Variants in JAK1 observed in about 807,000 individuals in gnomAD.
The protein encoded by JAK1 is Janus kinase 1.
In JAK1, 16 loss-of-function variants were observed where a neutral mutation model predicts 136.6. The observed-to-expected ratio is 0.12, with a 90% CI of 0.08 to 0.18. The LOEUF is 0.18. Ranked by LOEUF, JAK1 falls within the 10% of genes least tolerant of loss-of-function variation. JAK1 has a pLI of 1.00. For synonymous variants in JAK1, 492 were observed against 519.5 expected (o/e 0.95, Z 0.72); for missense variants, 859 against 1,450.1 (o/e 0.59, Z 6.62).
intron 1 of JAK1, among the ~76,000 whole-genome samples, chr1:64,945,606 T>A (rs78969683): frequency 6.6e-6 from 1 of 152,030 alleles, no homozygotes; most frequent in Non-Finnish European, 1.5e-5. Flanking sequence ...AATACGAATA[T>A]ATACTTACAT....
chr1:65,062,638 C>G (rs1475366567), intron 1 of JAK1, among the ~76,000 whole-genome samples: 1 of 152,234 alleles, frequency 6.6e-6, no homozygotes, highest in African/African-American at 2.4e-5. Flanking sequence ...TTTCTACTAA[C>G]TAGTAACACA....
chr1:65,066,786 A>C (rs1648067157), intron 1 of JAK1: 2 of 150,290 alleles, frequency 1.3e-5, no homozygotes, highest in Non-Finnish European at 1.5e-5. Flanking sequence ...CTCCTCTTAG[A>C]CTCCTCCCGC....
rs1363668573 is a variant in JAK1 at position 64,834,320 on chromosome 1, C to G, written c.*242G>C. 1 of 348,182 alleles carries G rather than the reference C, an allele frequency of 2.9e-6. No homozygotes were observed. Among genetic ancestry groups the G allele is most frequent in the African/African-American group, 2.0e-5 (1 of 48,912 alleles). 21.6% of individuals were successfully genotyped at this position (348,182 alleles called of 1,614,324 possible). On this transcript the variant is annotated 3_prime_UTR_variant, in exon 25 of 25. Transcript: ENST00000342505. Reference sequence around the variant, plus strand: ...ACAAGGAGGAGTGCTTAAGTGCTTTCAAATATTTTGGTTGTCATTATGTGT... The same window carrying G: ...ACAAGGAGGAGTGCTTAAGTGCTTTGAAATATTTTGGTTGTCATTATGTGT...
At chr1:65,067,107 C>T (rs1222283323) in intron 1 of JAK1, among the ~76,000 whole-genome samples, 1 of 151,936 alleles carries the variant, frequency 6.6e-6, no homozygotes, top group Non-Finnish European at 1.5e-5. Context: ...AGTCCGGCAA[C>T]ACCCTCGCAG....
intron 2 of JAK1, among the ~76,000 whole-genome samples, chr1:65,033,167 G>A (rs796252182): frequency 1.3e-5 from 2 of 152,102 alleles, no homozygotes; most frequent in African/African-American, 4.8e-5. Context: ...AGCAAAAAGA[G>A]GCTATGTTCC....
intron 2 of JAK1, among the ~76,000 whole-genome samples, chr1:64,977,326 A>G (rs557058598): frequency 6.6e-6 from 1 of 151,776 alleles, no homozygotes; most frequent in African/African-American, 2.4e-5. Context: ...ATTTTGTTTC[A>G]TTTTTTGTAG....
At chr1:64,971,217 T>G (rs1646448996), upstream of JAK1, among the ~76,000 whole-genome samples, 1 of 152,236 alleles carries the variant, frequency 6.6e-6, no homozygotes, top group Non-Finnish European at 1.5e-5. Context: ...TCCCATTATC[T>G]TTTTCCACGG....
intron 1 of JAK1, among the ~76,000 whole-genome samples, chr1:64,946,091 A>AT (rs1645981145): frequency 6.6e-6 from 1 of 152,206 alleles, no homozygotes; most frequent in South Asian, 2.1e-4. Context: ...CAAAATATCA[A>AT]TAACAATAAT....
At chr1:64,879,933 C>A (rs310209) in intron 3 of JAK1, among the ~76,000 whole-genome samples, 51,779 of 151,990 alleles carry the variant, frequency 0.34, 9,365 homozygotes, top group African/African-American at 0.45. Flanking sequence ...GAACCTGAAA[C>A]ATAGGCAGGT....
chr1:65,006,412 C>T (rs1205652801), intron 2 of JAK1, among the ~76,000 whole-genome samples: 1 of 152,122 alleles, frequency 6.6e-6, no homozygotes, highest in Non-Finnish European at 1.5e-5. Context: ...GGCTGGAGTG[C>T]AGTGGTACTC....
rs2101217581 is a variant in JAK1 at position 64,879,126 on chromosome 1, G to A, written c.228C>T (p.Asn76=). Residue 76 remains asparagine, a synonymous_variant, in exon 4 of 25, where the codon AAC becomes AAT. Coordinates refer to ENST00000342505, the MANE Select transcript of JAK1 (RefSeq NM_002227.4). ...TGTTCTCGTCATACAGGGCAAAGAGGTTGTGACAAAGAGGAGAGATACCTG... is the reference window on the plus strand; with the variant it reads ...TGTTCTCGTCATACAGGGCAAAGAGATTGTGACAAAGAGGAGAGATACCTG... ...QACRISPLCH[N]LFALYDENTK... 4 of 1,613,910 alleles carry A rather than the reference G, an allele frequency of 2.5e-6. No individual in the cohort carries two copies. The highest frequency in any genetic ancestry group is 3.4e-6 in the Non-Finnish European group (4 of 1,179,908).
At chr1:64,902,551 T>TGAGAGA (rs142393341) in intron 1 of JAK1, among the ~76,000 whole-genome samples, 33 of 102,430 alleles carry the variant, frequency 3.2e-4, no homozygotes, top group East Asian at 1.5e-3. Flanking sequence ...CATGAATTTG[T>TGAGAGA]GAGAGAGAGA....
chr1:64,989,029 T>TATATATATATAA (rs1343047707), intron 2 of JAK1, among the ~76,000 whole-genome samples: 1 of 135,144 alleles, frequency 7.4e-6, no homozygotes, highest in South Asian at 2.4e-4. Context: ...TATATATATA[T>TATATATATATAA]AAAATACAGA....
At chr1:64,878,929 A>G (rs543918896) in intron 4 of JAK1, 96 bp downstream of exon 4, 16 of 1,213,726 alleles carry the variant, frequency 1.3e-5, no homozygotes, top group Admixed American at 2.7e-5. Context: ...AAAAATGACT[A>G]CAATACTTCT....
chr1:64,899,860 T>C (rs1038134196), intron 1 of JAK1, among the ~76,000 whole-genome samples: 8 of 152,106 alleles, frequency 5.3e-5, no homozygotes, highest in Admixed American at 2.0e-4. Context: ...AAAAATCAAA[T>C]TGAAAAACAG....
chr1:64,889,927 A>C (rs1213447226), intron 1 of JAK1, among the ~76,000 whole-genome samples: 1 of 152,232 alleles, frequency 6.6e-6, no homozygotes, highest in Admixed American at 6.5e-5. Flanking sequence ...AGTGAAACTC[A>C]ATGACAAGAA....
chr1:64,959,269 A>G (rs1166119102), intron 1 of JAK1, among the ~76,000 whole-genome samples: 2 of 152,228 alleles, frequency 1.3e-5, no homozygotes, highest in Non-Finnish European at 2.9e-5. Context: ...TTTAAAACAC[A>G]CATCTATGAT....
intron 2 of JAK1, among the ~76,000 whole-genome samples, chr1:64,979,399 TA>T: frequency 6.6e-6 from 1 of 152,030 alleles, no homozygotes. Flanking sequence ...ACCTCACTTC[TA>T]AAAAAAAGAA....
intron 3 of JAK1, 109 bp from the exon 4 acceptor site, chr1:64,879,257 T>C (rs1419607540): frequency 3.8e-6 from 5 of 1,301,268 alleles, no homozygotes; most frequent in Non-Finnish European, 5.3e-6. Flanking sequence ...CCACAAAGAA[T>C]CTGGGTCACT....
Sources: allele counts gnomAD v4.1 joint callset (sites outside exome capture counted in the v4.1 genomes callset), GRCh38; gene constraint gnomAD v4.1.1; transcripts MANE v1.5; gene names NCBI Gene and HGNC (gene_info 2026-07-23, HGNC 2026-07-21).